The following GPC6 variants were observed in gnomAD, a reference collection of about 807,000 sequenced individuals.
GPC6 encodes the protein glypican-6.
In GPC6, 14 loss-of-function variants were observed where a neutral mutation model predicts 55.2. The observed-to-expected ratio is 0.25, with a 90% CI of 0.17 to 0.40. The LOEUF (loss-of-function observed/expected upper bound fraction) is 0.40, where lower values mean the gene tolerates loss of function less well. GPC6 is among the 10% of genes least tolerant of loss of function. GPC6 has a pLI of 1.00. For missense variants in GPC6, 641 were observed against 708.5 expected (o/e 0.90, Z 1.08); for synonymous variants, 278 against 259.6 (o/e 1.07, Z -0.68).
At chr13:93,607,001 A>C (rs1161317274) in intron 2 of GPC6, among the ~76,000 whole-genome samples, 1 of 152,166 alleles carries the variant, frequency 6.6e-6, no homozygotes, top group African/African-American at 2.4e-5. Flanking sequence ...AGGCAATATA[A>C]TATTTTCTAC....
intron 4 of GPC6, among the ~76,000 whole-genome samples, chr13:94,101,704 T>C (rs1349995052): frequency 6.6e-6 from 1 of 151,992 alleles, no homozygotes; most frequent in Non-Finnish European, 1.5e-5. Flanking sequence ...AAAGCAATAA[T>C]AAAAGGTGGA....
At chr13:93,403,418 A>G (rs1876166554) in intron 1 of GPC6, among the ~76,000 whole-genome samples, 1 of 152,022 alleles carries the variant, frequency 6.6e-6, no homozygotes, top group South Asian at 2.1e-4. Flanking sequence ...TCACTTCCTT[A>G]CTCCATAATC....
intron 7 of GPC6, among the ~76,000 whole-genome samples, chr13:94,396,146 AG>A (rs915104167): frequency 1.3e-5 from 2 of 152,176 alleles, no homozygotes; most frequent in African/African-American, 2.4e-5. Context: ...TCCTGTGGCC[AG>A]CCCCAGGGCG....
chr13:93,388,027 A>T (rs896068545), intron 1 of GPC6, among the ~76,000 whole-genome samples: 2 of 152,148 alleles, frequency 1.3e-5, no homozygotes, highest in African/African-American at 4.8e-5. Context: ...ATTCTGCCAA[A>T]ATTCCATCCA....
chr13:94,242,606 T>A (rs1891087018), intron 4 of GPC6, among the ~76,000 whole-genome samples: 2 of 152,114 alleles, frequency 1.3e-5, no homozygotes, highest in South Asian at 4.1e-4. Flanking sequence ...TCAGCAGCCT[T>A]AATGTGATGC....
At chr13:93,873,129 T>G (rs1889181906) in intron 3 of GPC6, among the ~76,000 whole-genome samples, 1 of 151,820 alleles carries the variant, frequency 6.6e-6, no homozygotes, top group South Asian at 2.1e-4. Context: ...TTTTTTTAAT[T>G]AATGAGGGAG....
intron 4 of GPC6, among the ~76,000 whole-genome samples, chr13:94,066,860 T>C (rs1249127181): frequency 6.6e-6 from 1 of 152,216 alleles, no homozygotes; most frequent in African/African-American, 2.4e-5. Context: ...ATTAATTCTC[T>C]TTCAGAGAAA....
At chr13:94,108,878 A>C (rs1238385419) in intron 4 of GPC6, among the ~76,000 whole-genome samples, 2 of 152,018 alleles carry the variant, frequency 1.3e-5, no homozygotes, top group African/African-American at 4.8e-5. Flanking sequence ...TTTTTTAATA[A>C]TTTAAAAGAT....
chr13:94,179,795 T>C (rs905645196), intron 4 of GPC6, among the ~76,000 whole-genome samples: 3 of 152,206 alleles, frequency 2.0e-5, no homozygotes, highest in African/African-American at 4.8e-5. Flanking sequence ...TTTTTTTCTA[T>C]GTATTTTTCT....
chr13:93,324,573 C>T (rs866186179), intron 1 of GPC6, among the ~76,000 whole-genome samples: 160 of 105,504 alleles, frequency 1.5e-3, no homozygotes, highest in East Asian at 9.9e-3. Context: ...TATATATATA[C>T]ACACACATAC....
chr13:93,412,163 TA>T (rs1190414858), intron 1 of GPC6, among the ~76,000 whole-genome samples: 2 of 152,160 alleles, frequency 1.3e-5, no homozygotes, highest in Non-Finnish European at 2.9e-5. Context: ...GAGAGGACTC[TA>T]CTTTTAGAAG....
intron 4 of GPC6, among the ~76,000 whole-genome samples, chr13:94,234,422 T>G (rs1890815177): frequency 6.6e-6 from 1 of 151,976 alleles, no homozygotes; most frequent in South Asian, 2.1e-4. Context: ...ATGTTTCTTT[T>G]CTACATGTAA....
At chr13:93,567,894 A>G (rs954313933) in intron 2 of GPC6, among the ~76,000 whole-genome samples, 7 of 152,150 alleles carry the variant, frequency 4.6e-5, no homozygotes, top group Admixed American at 3.3e-4. Context: ...CCATGGTCAT[A>G]CATAGACTCA....
At chr13:93,529,678 A>G (rs1346827174) in intron 1 of GPC6, among the ~76,000 whole-genome samples, 3 of 151,430 alleles carry the variant, frequency 2.0e-5, no homozygotes, top group Non-Finnish European at 4.4e-5. Flanking sequence ...CACCACGCCC[A>G]TCTAATTTTT....
intron 4 of GPC6, among the ~76,000 whole-genome samples, chr13:94,184,934 A>G (rs1889118506): frequency 6.6e-6 from 1 of 152,222 alleles, no homozygotes; most frequent in South Asian, 2.1e-4. Flanking sequence ...GGTGTGGTAC[A>G]TATATACCAT....
chr13:93,984,688 A>G (rs1880948416), intron 3 of GPC6, among the ~76,000 whole-genome samples: 1 of 152,218 alleles, frequency 6.6e-6, no homozygotes, highest in Non-Finnish European at 1.5e-5. Context: ...ATTTCACTGA[A>G]GCTAGTTGGA....
Position 93,410,600 on chromosome 13 carries a change from C to T in GPC6, c.161-134663C>T, listed in dbSNP as rs558936684. ...TGGCAGATGGGATACAAATTTATTA[C>T]GACAAGTCAATTTTCTTTTTCGTTT... On this transcript the variant is annotated intron_variant, in intron 1 of 8. Coordinates refer to ENST00000377047, the MANE Select transcript of GPC6 (RefSeq NM_005708.5). Among the ~76,000 whole-genome samples the T allele has an allele frequency of 5.9e-5, 9 of 152,194 alleles. No individual in the cohort carries two copies. The East Asian group carries it at 1.5e-3, about 26-fold the overall frequency.
chr13:94,031,081 CGTGT>C (rs900171157), intron 4 of GPC6, among the ~76,000 whole-genome samples: 6 of 145,718 alleles, frequency 4.1e-5, no homozygotes, highest in African/African-American at 5.2e-5. Context: ...TGTGCGTGTG[CGTGT>C]GTGTGTGCGT....
At chr13:93,567,284 G>A (rs981326858) in intron 2 of GPC6, among the ~76,000 whole-genome samples, 2 of 152,156 alleles carry the variant, frequency 1.3e-5, no homozygotes, top group African/African-American at 4.8e-5. Context: ...TTGTTTGTTT[G>A]AGTCAAAGGA....
Sources: allele counts gnomAD v4.1 joint callset (sites outside exome capture counted in the v4.1 genomes callset), GRCh38; gene constraint gnomAD v4.1.1; transcripts MANE v1.5; gene names NCBI Gene and HGNC (gene_info 2026-07-23, HGNC 2026-07-21).